Variants in VPS13B observed in about 807,000 individuals in gnomAD.
VPS13B encodes the protein vacuolar protein sorting 13 homolog B, also known as intermembrane lipid transfer protein VPS13B.
Under a neutral mutation model 426.4 loss-of-function variants are expected in VPS13B, and 285 were observed. The ratio of observed to expected loss-of-function variants is 0.67; its 90% CI spans 0.61 to 0.74. VPS13B has a LOEUF of 0.74. Among genes scored for constraint, VPS13B ranks in the 30% least tolerant of loss-of-function variants. VPS13B has a pLI of 0.00. For synonymous variants in VPS13B, 1,676 were observed against 1,676.4 expected, an observed-to-expected ratio of 1.00 and a Z score of 0.01; for missense variants, 4,537 against 4,782.6, an observed-to-expected ratio of 0.95 and a Z score of 1.51.
chr8:99,636,798 A>G, intron 33 of VPS13B, among the ~76,000 whole-genome samples: 1 of 152,068 alleles, frequency 6.6e-6, no homozygotes, highest in Non-Finnish European at 1.5e-5. Context: ...TATGCATTTA[A>G]TTCTCTGAAA....
intron 33 of VPS13B, among the ~76,000 whole-genome samples, chr8:99,616,599 G>A (rs553419695): frequency 2.0e-5 from 3 of 152,322 alleles, no homozygotes; most frequent in Admixed American, 6.5e-5. Flanking sequence ...AGGCAGAGGT[G>A]GGCAGATCAC....
chr8:99,786,774 C>T (rs773082156), intron 43 of VPS13B, among the ~76,000 whole-genome samples: 7 of 152,074 alleles, frequency 4.6e-5, no homozygotes, highest in Admixed American at 1.3e-4. Context: ...TAAAAAACGA[C>T]GTCTTCTTAC....
At chr8:99,377,138 C>CT (rs1373455001) in intron 19 of VPS13B, among the ~76,000 whole-genome samples, 1 of 151,912 alleles carries the variant, frequency 6.6e-6, no homozygotes, top group Non-Finnish European at 1.5e-5. Flanking sequence ...TTTACAGCTT[C>CT]TTTTTTTGCT....
At chr8:99,151,265 T>G (rs1425460795) in intron 14 of VPS13B, among the ~76,000 whole-genome samples, 4 of 152,202 alleles carry the variant, frequency 2.6e-5, no homozygotes, top group African/African-American at 7.2e-5. Context: ...CCTTGTATAT[T>G]TTGGGTAACA....
chr8:99,167,133 A>G (rs531433902), intron 15 of VPS13B, among the ~76,000 whole-genome samples: 34 of 152,264 alleles, frequency 2.2e-4, no homozygotes, highest in African/African-American at 7.9e-4. Context: ...GTGAAATGAG[A>G]TGATTGAGTT....
At chr8:99,875,277 A>G in intron 61 of VPS13B, 141 bp from the exon 62 acceptor site, 1 of 1,238,814 alleles carries the variant, frequency 8.1e-7, no homozygotes, top group Non-Finnish European at 1.2e-6. Flanking sequence ...TCAGAGGAAA[A>G]AAGGAAACAT....
intron 23 of VPS13B, among the ~76,000 whole-genome samples, chr8:99,455,356 C>T (rs1044078009): frequency 1.3e-5 from 2 of 151,996 alleles, no homozygotes; most frequent in East Asian, 1.9e-4. Flanking sequence ...GTACAGGAAG[C>T]GTGGTGGCAT....
In VPS13B at chr8:99,813,374, T is replaced by C. The variant is rs150569008; in HGVS notation, c.8097+3844T>C. 2.7e-3 allele frequency among the ~76,000 whole-genome samples: 405 copies of C among 152,244 alleles called. 1 individual carries two copies. Among genetic ancestry groups the C allele is most frequent in the African/African-American group, 9.0e-3 (376 of 41,552 alleles). ...AGAAACAGCCAAATTCTCTTCTAAA[T>C]CTCCTGGGGTCCAAAGGTTCTGAAG... On this transcript the variant is annotated intron_variant, in intron 44 of 61. Transcript: ENST00000357162.
At chr8:99,515,400 T>TTCCTCCTCCTCC (rs751830064) in intron 29 of VPS13B, among the ~76,000 whole-genome samples, 12 of 150,726 alleles carry the variant, frequency 8.0e-5, no homozygotes, top group African/African-American at 2.7e-4. Flanking sequence ...CTGCTTCTGC[T>TTCCTCCTCCTCC]TCCTCCTCCT....
chr8:99,247,875 A>T (rs572581434), intron 17 of VPS13B, among the ~76,000 whole-genome samples: 1 of 152,230 alleles, frequency 6.6e-6, no homozygotes, highest in Non-Finnish European at 1.5e-5. Flanking sequence ...CGGCAGTCCA[A>T]ATGGCTGATC....
intron 26 of VPS13B, 104 bp downstream of exon 26, chr8:99,501,962 T>TTTCC (rs1821268978): frequency 4.8e-6 from 6 of 1,261,850 alleles, no homozygotes; most frequent in Middle Eastern, 2.6e-4. Context: ...TCTGTCTGTC[T>TTTCC]GTCTGTCTGT....
At chr8:99,362,206 G>T (rs1260730380) in intron 19 of VPS13B, among the ~76,000 whole-genome samples, 1 of 146,998 alleles carries the variant, frequency 6.8e-6, no homozygotes, top group South Asian at 2.2e-4. Flanking sequence ...GCAGTGGCGC[G>T]ATCTGGCTCA....
chr8:99,453,459 A>G (rs1231238761), intron 23 of VPS13B, among the ~76,000 whole-genome samples: 1 of 152,230 alleles, frequency 6.6e-6, no homozygotes, highest in Non-Finnish European at 1.5e-5. Flanking sequence ...AGTAAAATTA[A>G]GCTGTTGCAC....
chr8:99,308,629 G>A (rs936990759), intron 19 of VPS13B, among the ~76,000 whole-genome samples: 29 of 152,098 alleles, frequency 1.9e-4, no homozygotes, highest in East Asian at 5.8e-4. Context: ...GAATAGTGCC[G>A]CAATAAACAT....
intron 39 of VPS13B, among the ~76,000 whole-genome samples, chr8:99,745,114 T>C (rs1458958706): frequency 6.6e-6 from 1 of 152,108 alleles, no homozygotes; most frequent in Non-Finnish European, 1.5e-5. Context: ...TTTGATTCAA[T>C]ACAAATTTGG....
intron 2 of VPS13B, among the ~76,000 whole-genome samples, chr8:99,016,267 T>C (rs182261290): frequency 2.0e-5 from 3 of 152,344 alleles, no homozygotes; most frequent in Admixed American, 2.0e-4. Context: ...GGCCTGTGTT[T>C]AGCCTGTGTT....
At chr8:99,571,930 T>C (rs1333208618) in intron 31 of VPS13B, among the ~76,000 whole-genome samples, 2 of 152,210 alleles carry the variant, frequency 1.3e-5, no homozygotes, top group African/African-American at 4.8e-5. Context: ...AGACACCATA[T>C]AGAGCTCTGC....
At chr8:99,055,907 T>C (rs1156323507) in intron 3 of VPS13B, among the ~76,000 whole-genome samples, 1 of 150,000 alleles carries the variant, frequency 6.7e-6, no homozygotes. Context: ...TTAATTTTTT[T>C]TTTTTTTTTT....
intron 13 of VPS13B, among the ~76,000 whole-genome samples, chr8:99,145,640 T>C (rs1299597357): frequency 9.4e-6 from 1 of 106,738 alleles, no homozygotes; most frequent in Non-Finnish European, 2.1e-5. Flanking sequence ...AGTTGTTGCA[T>C]GTATCAGTAG....
Sources: allele counts gnomAD v4.1 joint callset (sites outside exome capture counted in the v4.1 genomes callset), GRCh38; gene constraint gnomAD v4.1.1; transcripts MANE v1.5; gene names NCBI Gene and HGNC (gene_info 2026-07-23, HGNC 2026-07-21).